The following PHC3 variants were observed in gnomAD, a reference collection of about 807,000 sequenced individuals.
The protein encoded by PHC3 is polyhomeotic homolog 3, also known as polyhomeotic-like protein 3.
A neutral mutation model predicts 107.4 loss-of-function variants in PHC3; 13 were observed. That is an observed-to-expected ratio of 0.12 (90% CI 0.08 to 0.19). The LOEUF is 0.19. PHC3 is among the 10% of genes least tolerant of loss of function. The pLI, the probability that PHC3 is intolerant of heterozygous loss-of-function variation, is 1.00. For missense variants in PHC3, 992 were observed against 1,210.9 expected (o/e 0.82, Z 2.68); for synonymous variants, 456 against 427.4 (o/e 1.07, Z -0.83).
At chr3:170,143,051 C>A (rs1315349263) in intron 6 of PHC3, among the ~76,000 whole-genome samples, 2 of 152,026 alleles carry the variant, frequency 1.3e-5, no homozygotes, top group African/African-American at 2.4e-5. Context: ...GAGGCACACA[C>A]CTGTAATCCC....
At chr3:170,104,128 T>G (rs1716017432) in intron 12 of PHC3, among the ~76,000 whole-genome samples, 1 of 152,126 alleles carries the variant, frequency 6.6e-6, no homozygotes, top group Admixed American at 6.6e-5. Context: ...AGCATGGTTG[T>G]GTTCTAGTAA....
In PHC3 at chr3:170,092,200, A is replaced by G. The variant is rs1437847284; in HGVS notation, c.*5030T>C. 3 of 152,122 alleles carry G rather than the reference A, an allele frequency of 2.0e-5. No individual in the cohort carries two copies. Among genetic ancestry groups the G allele is most frequent in the Admixed American group, 6.5e-5 (1 of 15,280 alleles). The allele number at this position is 152,122 out of a possible 1,614,324, so 9.4% of individuals were successfully genotyped here. A position where few individuals can be genotyped will look rare whatever the true frequency, so the allele number is the denominator to read the frequency against. On this transcript the variant is annotated 3_prime_UTR_variant, in exon 15 of 15. Transcript: ENST00000495893. ...TTTTTAGTAGAGATAGGGTTTCACC[A>G]TATTGGTCAGGCTGGTCTCGAACTC...
chr3:170,145,444 G>C lies in PHC3; in HGVS notation c.651C>G (p.Ser217=). 6.2e-7 allele frequency: 1 copy of C among 1,613,488 alleles called. No individual in the cohort carries two copies. Among genetic ancestry groups the C allele is most frequent in the African/African-American group, 1.3e-5 (1 of 75,020 alleles). The stretch of plus-strand genomic sequence containing the variant: ...TCACCTGAGTAGCTGCAGACTGACA[G>C]GAAGATGACGATGACGACGAGACAA... ...IPVVSSSSSS[S]CQSAATQVQN... The change falls in exon 6 of 15, where the codon TCC becomes TCG. Residue 217 remains serine (S), a synonymous_variant. Coordinates refer to ENST00000495893, the MANE Select transcript of PHC3 (RefSeq NM_024947.4).
At position 170,166,585 on chromosome 3, in the gene PHC3, C is replaced by T. The variant is rs543996938; in HGVS notation, c.414+4788G>A. Among the ~76,000 whole-genome samples, 11 of 152,156 alleles carry T rather than the reference C, an allele frequency of 7.2e-5. 1 individual carries two copies. Among genetic ancestry groups the T allele is most frequent in the South Asian group, 6.2e-4 (3 of 4,818 alleles). ...TTATAATTTTTCACTATTATACATCCTGCATATGGGCATAATTATCTAGGT... is the reference window on the plus strand; with the variant it reads ...TTATAATTTTTCACTATTATACATCTTGCATATGGGCATAATTATCTAGGT... On this transcript the variant is annotated intron_variant, in intron 4 of 14. Coordinates refer to ENST00000495893, the MANE Select transcript of PHC3 (RefSeq NM_024947.4).
At chr3:170,128,205 A>G (rs1047342447) in intron 8 of PHC3, 6 of 256,652 alleles carry the variant, frequency 2.3e-5, no homozygotes, top group Admixed American at 5.4e-5. Context: ...TCATATAAGC[A>G]TATCTCCAAC....
At chr3:170,111,090 A>G (rs1457347195) in intron 11 of PHC3, among the ~76,000 whole-genome samples, 1 of 152,174 alleles carries the variant, frequency 6.6e-6, no homozygotes, top group African/African-American at 2.4e-5. Flanking sequence ...CTAAATAACT[A>G]TAAAATGACT....
chr3:170,143,628 A>G (rs1198934334), intron 6 of PHC3, among the ~76,000 whole-genome samples: 1 of 152,236 alleles, frequency 6.6e-6, no homozygotes, highest in Admixed American at 6.5e-5. Flanking sequence ...GAATACAGCA[A>G]TATCATGCAA....
At chr3:170,122,452 A>T (rs1275939308) in intron 9 of PHC3, 139 bp downstream of exon 9, 3 of 845,846 alleles carry the variant, frequency 3.5e-6, no homozygotes, top group Non-Finnish European at 5.5e-6. Flanking sequence ...AAAAATAAAA[A>T]ATCAGCCAGC....
intron 1 of PHC3, 77 bp from the exon 2 acceptor site, chr3:170,179,015 A>C: frequency 7.3e-7 from 1 of 1,370,890 alleles, no homozygotes; most frequent in Non-Finnish European, 1.0e-6. Context: ...TTCCAAAGAA[A>C]TAATCAGCAG....
In PHC3 at chr3:170,181,731, A is replaced by G. The variant is rs1338890482; in HGVS notation, c.-16T>C. The stretch of plus-strand genomic sequence containing the variant: ...CTTCCGCCATCTTCTCTCCTCCATC[A>G]CTAACATGGGCTGCGCATGCGCCCC... On this transcript the variant is annotated 5_prime_UTR_variant, in exon 1 of 15. Coordinates refer to ENST00000495893, the MANE Select transcript of PHC3 (RefSeq NM_024947.4). The G allele has an allele frequency of 7.4e-6, 12 of 1,611,680 alleles. No homozygotes were observed. Among genetic ancestry groups the G allele is most frequent in the Non-Finnish European group, 8.5e-6 (10 of 1,179,536 alleles).
At chr3:170,131,829 G>A (rs1362997428) in intron 7 of PHC3, among the ~76,000 whole-genome samples, 1 of 151,876 alleles carries the variant, frequency 6.6e-6, no homozygotes, top group African/African-American at 2.4e-5. Context: ...AGAGGGAGAC[G>A]CCATCTCAAA....
At chr3:170,116,909 TAA>T (rs10714410) in intron 10 of PHC3, among the ~76,000 whole-genome samples, 10 of 149,490 alleles carry the variant, frequency 6.7e-5, no homozygotes, top group Admixed American at 6.7e-5. Context: ...AGATCCTGTC[TAA>T]AAAAAAAAAG....
At chr3:170,099,750 G>C (rs1156255398) in intron 14 of PHC3, among the ~76,000 whole-genome samples, 1 of 152,126 alleles carries the variant, frequency 6.6e-6, no homozygotes, top group African/African-American at 2.4e-5. Context: ...TTGGTGAAAA[G>C]GTATCACCTG....
At chr3:170,133,885 A>C (rs1371765619) in intron 7 of PHC3, among the ~76,000 whole-genome samples, 1 of 152,180 alleles carries the variant, frequency 6.6e-6, no homozygotes, top group Non-Finnish European at 1.5e-5. Context: ...TGCTTGAACT[A>C]ACCCTGAAAG....
At chr3:170,112,963 T>C (rs1718125180) in intron 11 of PHC3, among the ~76,000 whole-genome samples, 1 of 152,180 alleles carries the variant, frequency 6.6e-6, no homozygotes, top group Non-Finnish European at 1.5e-5. Context: ...ATGCAGAAAG[T>C]CTGAAACGAA....
intron 7 of PHC3, among the ~76,000 whole-genome samples, chr3:170,130,968 T>C (rs1722159908): frequency 6.6e-6 from 1 of 152,162 alleles, no homozygotes; most frequent in African/African-American, 2.4e-5. Flanking sequence ...ACCTTACATC[T>C]ATTTTTGTGT....
intron 10 of PHC3, 126 bp from the exon 11 acceptor site, chr3:170,113,645 A>G (rs1718274991): frequency 1.2e-6 from 1 of 851,116 alleles, no homozygotes; most frequent in Non-Finnish European, 1.7e-6. Context: ...GATCAGATCC[A>G]TTTAGTAAGT....
Position 170,087,975 on chromosome 3 carries a change from T to A in PHC3, c.*9255A>T, listed in dbSNP as rs966917442. 8 of 152,182 alleles carry A rather than the reference T, an allele frequency of 5.3e-5. No homozygotes were observed. Among genetic ancestry groups the A allele is most frequent in the Non-Finnish European group, 1.0e-4 (7 of 68,006 alleles). The allele number at this position is 152,182 out of a possible 1,614,324, so 9.4% of individuals were successfully genotyped here. A position where few individuals can be genotyped will look rare whatever the true frequency, so the allele number is the denominator to read the frequency against. On this transcript the variant is annotated 3_prime_UTR_variant, in exon 15 of 15. Transcript: ENST00000495893. Reference sequence around the variant, plus strand: ...GGACACTTTTTACATAGATCAAATGTGCTCTTACAATGCAAAATTAACCTT... The same window carrying A: ...GGACACTTTTTACATAGATCAAATGAGCTCTTACAATGCAAAATTAACCTT...
At chr3:170,129,995 G>C (rs758084281) in intron 7 of PHC3, among the ~76,000 whole-genome samples, 1 of 152,116 alleles carries the variant, frequency 6.6e-6, no homozygotes, top group Non-Finnish European at 1.5e-5. Context: ...CATCACGCCT[G>C]GCCTGAATAT....
Sources: allele counts gnomAD v4.1 joint callset (sites outside exome capture counted in the v4.1 genomes callset), GRCh38; gene constraint gnomAD v4.1.1; transcripts MANE v1.5; gene names NCBI Gene and HGNC (gene_info 2026-07-23, HGNC 2026-07-21).